IQCK: variants seen among roughly 807,000 people sequenced by gnomAD.
IQCK encodes IQ domain-containing protein K.
In IQCK, 29 loss-of-function variants were observed where a neutral mutation model predicts 28.1. The observed-to-expected ratio is 1.03, with a 90% confidence interval of 0.77 to 1.41. The LOEUF (loss-of-function observed/expected upper bound fraction) is 1.41, where lower values mean the gene tolerates loss of function less well. Among genes scored for constraint, IQCK ranks in the 40% most tolerant of loss-of-function variants. IQCK has a pLI of 0.00. For missense variants in IQCK, 359 were observed against 314.7 expected (o/e 1.14, Z -1.07); for synonymous variants, 113 against 115.1 (o/e 0.98, Z 0.12).
chr16:19,803,937 C>T (rs948698171), intron 7 of IQCK, among the ~76,000 whole-genome samples: 3 of 152,122 alleles, frequency 2.0e-5, no homozygotes, highest in Non-Finnish European at 2.9e-5. Context: ...TGTGGGCCAC[C>T]GTGCCCAGTC....
At chr16:19,745,862 G>A (rs952056562) in intron 4 of IQCK, among the ~76,000 whole-genome samples, 15 of 152,200 alleles carry the variant, frequency 9.9e-5, no homozygotes, top group South Asian at 2.1e-4. Flanking sequence ...GGGGCACTTC[G>A]GTTCTCCTTC....
At chr16:19,826,205 A>G (rs6497410) in intron 7 of IQCK, among the ~76,000 whole-genome samples, 151,512 of 152,200 alleles carry the variant, frequency 1, 75,415 homozygotes, top group Middle Eastern at 1. Context: ...ATGACGTCTC[A>G]CTATGTTGCC....
intron 7 of IQCK, among the ~76,000 whole-genome samples, chr16:19,801,302 C>CTT (rs573505762): frequency 1.2e-3 from 102 of 87,800 alleles, no homozygotes; most frequent in East Asian, 5.1e-3. Context: ...CTCTCTCTCT[C>CTT]TTTTTTTTTT....
At chr16:19,724,762 G>A (rs915607873) in intron 1 of IQCK, among the ~76,000 whole-genome samples, 1 of 152,130 alleles carries the variant, frequency 6.6e-6, no homozygotes, top group African/African-American at 2.4e-5. Flanking sequence ...TCAATCTCCT[G>A]ACCTTGTGAT....
intron 6 of IQCK, among the ~76,000 whole-genome samples, chr16:19,767,548 T>G (rs1278173080): frequency 6.6e-6 from 1 of 152,044 alleles, no homozygotes; most frequent in Non-Finnish European, 1.5e-5. Context: ...GCTGGTGTGC[T>G]CCTCTCAACA....
chr16:19,809,000 G>T (rs144104422), intron 7 of IQCK, among the ~76,000 whole-genome samples: 1 of 152,206 alleles, frequency 6.6e-6, no homozygotes, highest in Non-Finnish European at 1.5e-5. Context: ...CTGGATTACA[G>T]GCATGCGCCA....
chr16:19,858,263 T>C (rs1363485992), exon 10 of IQCK: 4 of 397,692 alleles, frequency 1.0e-5, no homozygotes, highest in African/African-American at 2.1e-5. Context: ...CAGCCCACTC[T>C]CAACCTTAAA....
intron 4 of IQCK, among the ~76,000 whole-genome samples, chr16:19,740,016 A>G (rs2054810152): frequency 6.6e-6 from 1 of 152,212 alleles, no homozygotes; most frequent in African/African-American, 2.4e-5. Flanking sequence ...AACAGACAGC[A>G]CACATCTCCA....
rs758251051 is a variant in IQCK, at chr16:19,856,543, T to G, written c.859T>G (p.Ser287Ala). 4 of 1,613,756 alleles carry G rather than the reference T, an allele frequency of 2.5e-6. No homozygotes were observed. The South Asian group carries it at 4.4e-5, about 18-fold the overall frequency. ...TGCAGCCAAGATGAAAATTCCATCA[T>G]CTTAACCATAGCTAAGACGTATCTT... The change falls in exon 10 of 10, where the codon TCT becomes GCT. Residue 287 changes from serine to alanine, a missense_variant. Coordinates refer to the IQCK transcript ENST00000320394.
chr16:19,780,087 G>T lies in IQCK; in HGVS notation c.606-8751G>T, dbSNP rs575943160. Among the ~76,000 whole-genome samples, 7 of 148,168 alleles carry T rather than the reference G, an allele frequency of 4.7e-5. No individual in the cohort carries two copies. In the East Asian group the frequency reaches 1.4e-3, roughly 30 times the overall value. ...AGATGGAGTCTCGCTCTGTCATCCA[G>T]CTGGAGTGCAGTGGTGCGCTCTCAG... On this transcript the variant is annotated intron_variant, in intron 6 of 7. Coordinates refer to ENST00000564186, the Ensembl canonical transcript of IQCK.
chr16:19,785,383 A>G (rs1476602961), intron 6 of IQCK, among the ~76,000 whole-genome samples: 1 of 152,166 alleles, frequency 6.6e-6, no homozygotes, highest in African/African-American at 2.4e-5. Flanking sequence ...GACACATTTG[A>G]GGAGCTGCCA....
At chr16:19,784,883 C>T (rs2055541203) in intron 6 of IQCK, among the ~76,000 whole-genome samples, 1 of 152,168 alleles carries the variant, frequency 6.6e-6, no homozygotes, top group Non-Finnish European at 1.5e-5. Flanking sequence ...ATTGTCCTGC[C>T]TCACCCTCCC....
At chr16:19,775,168 A>G (rs1288735134) in intron 6 of IQCK, among the ~76,000 whole-genome samples, 2 of 150,936 alleles carry the variant, frequency 1.3e-5, no homozygotes, top group Non-Finnish European at 2.9e-5. Flanking sequence ...TGGAGATTGC[A>G]GTGAGCCGAG....
intron 9 of IQCK, among the ~76,000 whole-genome samples, chr16:19,836,985 C>T (rs960798211): frequency 1.3e-5 from 2 of 152,106 alleles, no homozygotes; most frequent in Non-Finnish European, 2.9e-5. Context: ...AGTAACCAAG[C>T]CATAGAGTTT....
intron 4 of IQCK, among the ~76,000 whole-genome samples, chr16:19,746,190 C>A (rs75420478): frequency 7.6e-6 from 1 of 132,252 alleles, no homozygotes; most frequent in Admixed American, 7.6e-5. Flanking sequence ...AGCTTCATTT[C>A]TTTTTTTTTT....
chr16:19,750,996 T>C (rs894758859), intron 4 of IQCK, among the ~76,000 whole-genome samples: 29 of 152,174 alleles, frequency 1.9e-4, no homozygotes, highest in Non-Finnish European at 3.4e-4. Flanking sequence ...AGGGTGGGGC[T>C]GCTGGAGTTA....
Position 19,772,469 on chromosome 16 carries a change from TATG to T in IQCK, c.605+8365_605+8367del, listed in dbSNP as rs564590350. On this transcript the variant is annotated intron_variant, in intron 6 of 7. Transcript: ENST00000564186. ...GAAATTAAAAAATTATTATTTAAGATATGATGATGAGAATACTAATTTCATAGT... is the reference window on the plus strand; with the variant it reads ...GAAATTAAAAAATTATTATTTAAGATATGATGAGAATACTAATTTCATAGT... Among the ~76,000 whole-genome samples the T allele has an allele frequency of 6.0e-4, 92 of 152,232 alleles. 1 individual carries two copies. The highest frequency in any genetic ancestry group is 3.9e-3 in the South Asian group (19 of 4,814).
chr16:19,826,471 G>A (rs1300425547), intron 7 of IQCK, among the ~76,000 whole-genome samples: 2 of 152,110 alleles, frequency 1.3e-5, no homozygotes, highest in African/African-American at 2.4e-5. Flanking sequence ...CTCCCCTCCC[G>A]GGTTCAAGCA....
intron 7 of IQCK, among the ~76,000 whole-genome samples, chr16:19,822,513 A>G (rs1202863068): frequency 6.6e-6 from 1 of 152,202 alleles, no homozygotes; most frequent in Non-Finnish European, 1.5e-5. Context: ...CAATGTGGAT[A>G]AACCTTAAAA....
Sources: allele counts gnomAD v4.1 joint callset (sites outside exome capture counted in the v4.1 genomes callset), GRCh38; gene constraint gnomAD v4.1.1; transcripts MANE v1.5; gene names NCBI Gene and HGNC (gene_info 2026-07-23, HGNC 2026-07-21).